Variants in FAT4 observed in about 807,000 individuals in gnomAD.
FAT4 encodes the protein protocadherin Fat 4.
A neutral mutation model predicts 303.9 loss-of-function variants in FAT4; 84 were observed. The ratio of observed to expected loss-of-function variants is 0.28; its 90% CI spans 0.23 to 0.33. The LOEUF is 0.33. Ranked by LOEUF, FAT4 falls within the 10% of genes least tolerant of loss-of-function variation. FAT4 has a pLI of 1.00. For missense variants in FAT4, 6,005 were observed against 6,146.8 expected, an observed-to-expected ratio of 0.98 and a Z score of 0.77; for synonymous variants, 2,307 against 2,298.8, an observed-to-expected ratio of 1.00 and a Z score of -0.10.
chr4:125,443,493 T>C (rs964970529), intron 8 of FAT4, among the ~76,000 whole-genome samples: 1 of 151,270 alleles, frequency 6.6e-6, no homozygotes, highest in Non-Finnish European at 1.5e-5. Context: ...ATTCAAACTC[T>C]AGATCTGCTA....
In FAT4 at chr4:125,416,480, C is replaced by G; in HGVS notation, c.6876C>G (p.Asn2292Lys). 6.2e-7 allele frequency: 1 copy of G among 1,613,720 alleles called. No individual in the cohort carries two copies. Among genetic ancestry groups the G allele is most frequent in the Non-Finnish European group, 8.5e-7 (1 of 1,179,786 alleles). ...VVARDDDRGS[N>K]SKLSYVLFGG... Reference sequence around the variant, plus strand: ...CAAGAGATGATGATCGAGGATCTAACAGCAAACTCTCATATGTTCTGTTTG... The same window carrying G: ...CAAGAGATGATGATCGAGGATCTAAGAGCAAACTCTCATATGTTCTGTTTG... Residue 2292 changes from asparagine (N) to lysine (K), a missense_variant, in exon 7 of 18, where the codon AAC (asparagine) becomes AAG (lysine). By Grantham distance (94) the Asn-to-Lys change is moderately conservative. Transcript: ENST00000394329.
chr4:125,403,453 C>G (rs1485711661), intron 3 of FAT4, among the ~76,000 whole-genome samples: 1 of 152,074 alleles, frequency 6.6e-6, no homozygotes, highest in Non-Finnish European at 1.5e-5. Context: ...CCTTGCTTCT[C>G]TTCTTTTTTC....
chr4:125,489,902 A>G lies in FAT4; in HGVS notation c.13086A>G (p.Ala4362=). ...CCTTACTCCTTCTTCTTCTCCCAGC[A>G]GGTTTTGATGGCTGCATTGCTTCTA... ...PNQAHRDAQT[A]GFDGCIASMW... Residue 4362 remains alanine, a splice_region_variant and synonymous_variant, in exon 18 of 18, where the codon GCA becomes GCG. Transcript: ENST00000394329. The G allele has an allele frequency of 8.0e-7, 1 of 1,253,638 alleles. No homozygotes were observed. The highest frequency in any genetic ancestry group is 1.0e-6 in the Non-Finnish European group (1 of 952,872). The allele number at this position is 1,253,638 out of a possible 1,614,324, so 77.7% of individuals were successfully genotyped here. A position where few individuals can be genotyped will look rare whatever the true frequency, so the allele number is the denominator to read the frequency against.
intron 11 of FAT4, among the ~76,000 whole-genome samples, chr4:125,466,771 T>G (rs1726676336): frequency 6.7e-6 from 1 of 149,752 alleles, no homozygotes; most frequent in Admixed American, 6.8e-5. Context: ...AAATTATGTA[T>G]AATTTCTTTT....
chr4:125,479,584 T>G (rs1475450796), intron 14 of FAT4, among the ~76,000 whole-genome samples, 157 bp from the exon 15 acceptor site: 1 of 152,204 alleles, frequency 6.6e-6, no homozygotes, highest in Non-Finnish European at 1.5e-5. Context: ...CTAGGAAAAC[T>G]TCTGGTTTGA....
intron 6 of FAT4, among the ~76,000 whole-genome samples, chr4:125,416,029 T>C (rs1259877390): frequency 2.0e-5 from 3 of 152,218 alleles, no homozygotes; most frequent in Non-Finnish European, 4.4e-5. Flanking sequence ...TTTACTAGCT[T>C]TCTTTTGTGT....
intron 8 of FAT4, among the ~76,000 whole-genome samples, chr4:125,440,074 T>A (rs1405685392): frequency 6.6e-6 from 1 of 152,156 alleles, no homozygotes; most frequent in East Asian, 1.9e-4. Context: ...CTTTTTTCTT[T>A]TTATTCTTCT....
intron 2 of FAT4, among the ~76,000 whole-genome samples, chr4:125,343,703 G>A (rs1731887075): frequency 1.3e-5 from 2 of 151,944 alleles, no homozygotes; most frequent in Admixed American, 1.3e-4. Flanking sequence ...CCACACTACA[G>A]AATAAAAGAA....
chr4:125,358,800 T>A (rs906287394), intron 2 of FAT4, among the ~76,000 whole-genome samples: 4 of 152,100 alleles, frequency 2.6e-5, no homozygotes, highest in Admixed American at 2.6e-4. Flanking sequence ...GTTTTCTATG[T>A]TTGTGAAGAT....
At chr4:125,386,346 C>T (rs1429085552) in intron 2 of FAT4, among the ~76,000 whole-genome samples, 6 of 152,124 alleles carry the variant, frequency 3.9e-5, no homozygotes, top group Admixed American at 1.3e-4. Flanking sequence ...GGCACCATCT[C>T]GGCTTACTGC....
intron 2 of FAT4, among the ~76,000 whole-genome samples, chr4:125,323,633 A>C (rs111782907): frequency 7.9e-5 from 12 of 152,314 alleles, no homozygotes; most frequent in South Asian, 2.1e-4. Flanking sequence ...TTCTCCAAAG[A>C]ATATTGAAAG....
intron 2 of FAT4, among the ~76,000 whole-genome samples, chr4:125,391,348 A>G (rs1273330952): frequency 6.6e-6 from 1 of 152,218 alleles, no homozygotes; most frequent in Non-Finnish European, 1.5e-5. Context: ...ATAAAAAGGA[A>G]TGAGATCATG....
chr4:125,403,065 A>G (rs1252982031), intron 3 of FAT4, among the ~76,000 whole-genome samples: 1 of 152,052 alleles, frequency 6.6e-6, no homozygotes, highest in Non-Finnish European at 1.5e-5. Context: ...AAGTCATCAA[A>G]TAAATTTAAG....
At chr4:125,410,922 C>T (rs1187594890) in intron 5 of FAT4, among the ~76,000 whole-genome samples, 2 of 152,022 alleles carry the variant, frequency 1.3e-5, no homozygotes, top group Non-Finnish European at 2.9e-5. Flanking sequence ...ATTTCCTGCA[C>T]CTTGACATAA....
Position 125,487,498 on chromosome 4 carries a change from T to C in FAT4, c.12976T>C (p.Tyr4326His), listed in dbSNP as rs751878378. Residue 4326 changes from tyrosine (Y) to histidine (H), a missense_variant, in exon 17 of 18, where the codon TAT becomes CAT. Physicochemically the swap from Tyr to His is moderately conservative, Grantham distance 83. Coordinates refer to ENST00000394329, the MANE Select transcript of FAT4 (RefSeq NM_001291303.3). ...AACAGTATTGTCTGTTGACAGAATATATAACAGAGATATTATCCACCCTAC... is the reference window on the plus strand; with the variant it reads ...AACAGTATTGTCTGTTGACAGAATACATAACAGAGATATTATCCACCCTAC... Reference protein sequence around the residue: ...TATVLSVDRIYNRDIIHPTQD... With the variant: ...TATVLSVDRIHNRDIIHPTQD... 3.1e-6 allele frequency: 5 copies of C among 1,614,122 alleles called. No individual in the cohort carries two copies. Among genetic ancestry groups the C allele is most frequent in the Non-Finnish European group, 4.2e-6 (5 of 1,179,974 alleles).
At chr4:125,423,525 T>A (rs1201175345) in intron 7 of FAT4, among the ~76,000 whole-genome samples, 1 of 152,238 alleles carries the variant, frequency 6.6e-6, no homozygotes, top group Non-Finnish European at 1.5e-5. Context: ...TCCGCCTGAA[T>A]TTCAGAGGAT....
chr4:125,458,718 C>A (rs1337875185), intron 10 of FAT4, among the ~76,000 whole-genome samples: 1 of 151,814 alleles, frequency 6.6e-6, no homozygotes, highest in Non-Finnish European at 1.5e-5. Context: ...TGTGTGTAAT[C>A]ATATGTAATC....
chr4:125,369,837 T>C (rs964205385), intron 2 of FAT4, among the ~76,000 whole-genome samples: 1 of 152,226 alleles, frequency 6.6e-6, no homozygotes, highest in African/African-American at 2.4e-5. Flanking sequence ...TGAAGTTGAC[T>C]ACTTTTGCTA....
chr4:125,317,384 G>T lies in FAT4; in HGVS notation c.973G>T (p.Ala325Ser). 6.2e-7 allele frequency: 1 copy of T among 1,613,502 alleles called. No homozygotes were observed. The highest frequency in any genetic ancestry group is 8.5e-7 in the Non-Finnish European group (1 of 1,180,046). Residue 325 changes from alanine to serine, a missense_variant, in exon 2 of 18, where the codon GCG (alanine) becomes TCG (serine). Transcript: ENST00000394329. This position sits in a 1 kb window ranked among gnomAD's most constrained non-coding sequence, Gnocchi z 7.0. ...GCGCCAATACTCGCTTACGGTGCAG[G>T]CGATGGACAGAGGCGTGCCTTCCCT... ...ARRQYSLTVQAMDRGVPSLTG... is the reference protein window; with the variant it reads ...ARRQYSLTVQSMDRGVPSLTG...
Sources: gnomAD v4.1 joint callset for allele counts (sites outside exome capture counted in the v4.1 genomes callset) on GRCh38, gnomAD v4.1.1 for gene constraint, Gnocchi (gnomAD v3.1) non-coding constraint, MANE v1.5 for transcripts, NCBI Gene and HGNC (gene_info 2026-07-23, HGNC 2026-07-21) for gene names.